TUB: variants seen among roughly 807,000 people sequenced by gnomAD.
The protein encoded by TUB is TUB bipartite transcription factor.
TUB carries 33 observed loss-of-function variants against 59.7 expected under a neutral mutation model. That is an observed-to-expected ratio of 0.55 (90% CI 0.42 to 0.74). The LOEUF is 0.74. TUB is among the 30% of genes least tolerant of loss of function. The pLI, the probability that TUB is intolerant of heterozygous loss-of-function variation, is 0.00. For synonymous variants in TUB, 293 were observed against 256.4 expected, an observed-to-expected ratio of 1.14 and a Z score of -1.36; for missense variants, 659 against 672.0, an observed-to-expected ratio of 0.98 and a Z score of 0.21.
At chr11:8,037,762 G>A (rs928008635), upstream of TUB, among the ~76,000 whole-genome samples, 3 of 152,124 alleles carry the variant, frequency 2.0e-5, no homozygotes, top group Non-Finnish European at 2.9e-5. Flanking sequence ...ATCATCGGGC[G>A]GACTAAAGTA....
At chr11:8,094,746 G>A (rs1943909567) in intron 4 of TUB, among the ~76,000 whole-genome samples, 1 of 152,228 alleles carries the variant, frequency 6.6e-6, no homozygotes, top group Non-Finnish European at 1.5e-5. Flanking sequence ...ACCTGCCCCA[G>A]GTCCTGTCTC....
chr11:8,092,439 G>A (rs1943808839), intron 3 of TUB, among the ~76,000 whole-genome samples: 1 of 152,106 alleles, frequency 6.6e-6, no homozygotes, highest in South Asian at 2.1e-4. Flanking sequence ...GCCACTACCA[G>A]TTAGTTACCT....
chr11:8,041,696 T>A (rs1197994294), intron 2 of TUB, among the ~76,000 whole-genome samples: 1 of 152,192 alleles, frequency 6.6e-6, no homozygotes, highest in African/African-American at 2.4e-5. Context: ...TCACTCTGAA[T>A]CAACTCTTGT....
chr11:8,046,901 G>T (rs752634352), intron 2 of TUB, among the ~76,000 whole-genome samples: 34 of 152,108 alleles, frequency 2.2e-4, no homozygotes, highest in Non-Finnish European at 4.0e-4. Context: ...TAGCACTAAC[G>T]ACAGCTGCTT....
chr11:8,098,996 C>G, intron 9 of TUB, 121 bp downstream of exon 9: 1 of 767,830 alleles, frequency 1.3e-6, no homozygotes, highest in Admixed American at 2.0e-5. Context: ...TGGAGAGGGG[C>G]TGTCCTCTGT....
chr11:8,036,423 C>G (rs1037021284), upstream of TUB, among the ~76,000 whole-genome samples: 1 of 152,234 alleles, frequency 6.6e-6, no homozygotes, highest in Non-Finnish European at 1.5e-5. Flanking sequence ...CTAGGTTCCC[C>G]TTTTGTGAAA....
At chr11:8,095,922 A>G (rs894907836) in intron 5 of TUB, among the ~76,000 whole-genome samples, 4 of 152,148 alleles carry the variant, frequency 2.6e-5, no homozygotes, top group Admixed American at 6.5e-5. Context: ...GAAGTTTCCC[A>G]TATGTTTGCT....
At chr11:8,081,106 G>T (rs987774621), upstream of TUB, among the ~76,000 whole-genome samples, 3 of 151,054 alleles carry the variant, frequency 2.0e-5, no homozygotes, top group Non-Finnish European at 4.4e-5. Flanking sequence ...CGGGGGAGGG[G>T]GCAAGGGCGC....
At chr11:8,069,376 AT>A in intron 2 of TUB, 1 of 132,922 alleles carries the variant, frequency 7.5e-6, no homozygotes, top group Non-Finnish European at 1.6e-5. Flanking sequence ...TCATTTTTAA[AT>A]TTAGTATTCT....
intron 10 of TUB, 70 bp downstream of exon 10, chr11:8,100,671 A>G (rs2133908960): frequency 1.9e-6 from 3 of 1,550,730 alleles, no homozygotes; most frequent in Non-Finnish European, 2.7e-6. Context: ...TAAGGGCAGA[A>G]CTCCAGCTGA....
At chr11:8,089,039 C>T (rs909109102) in intron 1 of TUB, among the ~76,000 whole-genome samples, 2 of 152,206 alleles carry the variant, frequency 1.3e-5, no homozygotes, top group Admixed American at 1.3e-4. Context: ...GAAGGAGGAC[C>T]CTCTGCCCTC....
chr11:8,062,840 C>G (rs1335691831), intron 2 of TUB, among the ~76,000 whole-genome samples: 1 of 152,076 alleles, frequency 6.6e-6, no homozygotes, highest in African/African-American at 2.4e-5. Flanking sequence ...TACCCGGGGC[C>G]AGGAAGCCCA....
exon 2 of TUB, chr11:8,039,682 G>A (rs1322977119): frequency 2.6e-6 from 4 of 1,540,604 alleles, no homozygotes; most frequent in Non-Finnish European, 3.5e-6. Flanking sequence ...GGAAGGAAGG[G>A]AGATCGCTCG....
intron 1 of TUB, among the ~76,000 whole-genome samples, chr11:8,026,327 A>G (rs1942499971): frequency 6.6e-6 from 1 of 151,888 alleles, no homozygotes; most frequent in Admixed American, 6.6e-5. Flanking sequence ...GTTTTTTTAT[A>G]GATTGTTCTT....
At chr11:8,088,037 A>G (rs891432969) in intron 1 of TUB, among the ~76,000 whole-genome samples, 2 of 152,174 alleles carry the variant, frequency 1.3e-5, no homozygotes, top group African/African-American at 4.8e-5. Flanking sequence ...GCCTAGAAGT[A>G]TGGCTCTTGA....
At chr11:8,095,411 T>A in intron 4 of TUB, 87 bp from the exon 5 acceptor site, 1 of 1,414,204 alleles carries the variant, frequency 7.1e-7, no homozygotes, top group East Asian at 2.3e-5. Context: ...TTCCCCACTC[T>A]TCCCTCATCC....
intron 1 of TUB, chr11:8,039,118 G>T (rs745882218): frequency 3.1e-5 from 46 of 1,476,010 alleles, no homozygotes; most frequent in Non-Finnish European, 3.9e-5. Context: ...ACCCTTTACA[G>T]TCCCAAGGCC....
intron 1 of TUB, among the ~76,000 whole-genome samples, chr11:8,028,321 C>A (rs1192731572): frequency 6.6e-6 from 1 of 152,136 alleles, no homozygotes; most frequent in Non-Finnish European, 1.5e-5. Flanking sequence ...TATAGGAGTT[C>A]TTTACATATT....
At chr11:8,056,931 T>C (rs1943029428) in intron 2 of TUB, among the ~76,000 whole-genome samples, 1 of 152,024 alleles carries the variant, frequency 6.6e-6, no homozygotes, top group Non-Finnish European at 1.5e-5. Flanking sequence ...CGTTTCATTC[T>C]CTCCACACGT....
Sources: gnomAD v4.1 joint callset for allele counts (sites outside exome capture counted in the v4.1 genomes callset) on GRCh38, gnomAD v4.1.1 for gene constraint, MANE v1.5 for transcripts, NCBI Gene and HGNC (gene_info 2026-07-23, HGNC 2026-07-21) for gene names.